Variants in RGPD6 observed in about 807,000 individuals in gnomAD.
The protein encoded by RGPD6 is RANBP2 like and GRIP domain containing 6, also known as RANBP2-like and GRIP domain-containing protein 5/6.
chr2:110,600,569 A>G, the RGPD6 span, among the ~76,000 whole-genome samples: 2 of 12,202 alleles, frequency 1.6e-4, no homozygotes, highest in East Asian at 1.9e-3. Flanking sequence ...CTATAATAAA[A>G]TAATTATACA....
At chr2:110,597,038 G>A in the RGPD6 span, among the ~76,000 whole-genome samples, 1 of 99,116 alleles carries the variant, frequency 1.0e-5, no homozygotes, top group African/African-American at 4.4e-5. Context: ...GAATGCAATG[G>A]CGCAATCTAG....
At chr2:110,605,660 C>G in the RGPD6 span, among the ~76,000 whole-genome samples, 1 of 151,480 alleles carries the variant, frequency 6.6e-6, no homozygotes, top group Non-Finnish European at 1.5e-5. Flanking sequence ...CTGCGCATGT[C>G]CCCTGGCAGT....
chr2:110,589,422 T>G, the RGPD6 span, among the ~76,000 whole-genome samples: 2 of 152,108 alleles, frequency 1.3e-5, no homozygotes, highest in East Asian at 3.8e-4. Flanking sequence ...TCCTAAGTAT[T>G]TATATACAAC....
intron 1 of RGPD6, 45 bp downstream of exon 1, chr2:110,576,908 C>A (rs754220988): frequency 2.7e-6 from 3 of 1,104,818 alleles, no homozygotes; most frequent in Admixed American, 3.2e-5. Flanking sequence ...CCCTCCCCCC[C>A]CGGCCGGGTC....
chr2:110,594,372 T>C, the RGPD6 span, among the ~76,000 whole-genome samples: 1 of 97,874 alleles, frequency 1.0e-5, no homozygotes, highest in African/African-American at 4.9e-5. Context: ...AAACCAAAGA[T>C]GTCTACTCAC....
chr2:110,610,305 G>A, the RGPD6 span, among the ~76,000 whole-genome samples: 1 of 136,312 alleles, frequency 7.3e-6, no homozygotes, highest in African/African-American at 2.7e-5. Flanking sequence ...CCAACTCCAG[G>A]GGGTCGGTGG....
At chr2:110,593,061 A>T in the RGPD6 span, among the ~76,000 whole-genome samples, 3 of 148,226 alleles carry the variant, frequency 2.0e-5, no homozygotes, top group Admixed American at 2.0e-4. Flanking sequence ...AAAAGCTAAG[A>T]TTTATACGGA....
At chr2:110,592,847 C>T in the RGPD6 span, among the ~76,000 whole-genome samples, 1 of 142,992 alleles carries the variant, frequency 7.0e-6, no homozygotes, top group East Asian at 2.0e-4. Flanking sequence ...GTGAGAAGAA[C>T]GTATCATGGA....
At chr2:110,576,893 C>CGCCG (rs1201483108) in intron 1 of RGPD6, 60 bp downstream of exon 1, 1 of 675,566 alleles carries the variant, frequency 1.5e-6, no homozygotes, top group African/African-American at 3.5e-5. Context: ...CCGCCGCCGC[C>CGCCG]CCCCCCCTCC....
chr2:110,597,208 T>C, the RGPD6 span, among the ~76,000 whole-genome samples: 1 of 24,186 alleles, frequency 4.1e-5, no homozygotes, highest in South Asian at 1.1e-3. Flanking sequence ...GCCAGGCTGG[T>C]CTGGAACTCC....
At chr2:110,604,526 C>T in the RGPD6 span, among the ~76,000 whole-genome samples, 2 of 147,106 alleles carry the variant, frequency 1.4e-5, 1 homozygote, top group Non-Finnish European at 3.0e-5. Flanking sequence ...AATTAAATTC[C>T]AAGACAAAAG....
the RGPD6 span, among the ~76,000 whole-genome samples, chr2:110,606,750 C>T: frequency 2.1e-4 from 31 of 150,480 alleles, no homozygotes; most frequent in African/African-American, 7.7e-4. Context: ...AATACCCCCA[C>T]CCACACCATC....
the RGPD6 span, among the ~76,000 whole-genome samples, chr2:110,605,634 G>A: frequency 1.3e-5 from 2 of 151,530 alleles, no homozygotes; most frequent in Non-Finnish European, 2.9e-5. Context: ...AGGCCTGGAG[G>A]AAGCCGCCCA....
the RGPD6 span, among the ~76,000 whole-genome samples, chr2:110,593,247 T>G: frequency 6.7e-6 from 1 of 148,254 alleles, no homozygotes; most frequent in South Asian, 2.1e-4. Context: ...ACAGTGGAGC[T>G]GAAGCTCAAC....
At chr2:110,604,800 A>C in the RGPD6 span, among the ~76,000 whole-genome samples, 2 of 148,302 alleles carry the variant, frequency 1.3e-5, no homozygotes, top group Non-Finnish European at 3.0e-5. Flanking sequence ...ATCTGTATTA[A>C]GCCAAAGGTC....
At chr2:110,610,907 C>A in the RGPD6 span, 46 of 820,116 alleles carry the variant, frequency 5.6e-5, no homozygotes, top group Non-Finnish European at 6.0e-5. Flanking sequence ...CGCCCGCCCC[C>A]AGGTCGGGGC....
the RGPD6 span, chr2:110,611,002 A>G: frequency 1.0e-6 from 1 of 958,440 alleles, no homozygotes; most frequent in African/African-American, 2.1e-5. Flanking sequence ...GCTTGCGCGC[A>G]GGCACACTCA....
chr2:110,600,896 G>A, the RGPD6 span, among the ~76,000 whole-genome samples: 8 of 138,826 alleles, frequency 5.8e-5, no homozygotes, highest in Non-Finnish European at 9.6e-5. Flanking sequence ...AACAGGCCCC[G>A]GACCAATATT....
At chr2:110,609,811 C>A in the RGPD6 span, among the ~76,000 whole-genome samples, 1 of 105,750 alleles carries the variant, frequency 9.5e-6, no homozygotes, top group African/African-American at 3.7e-5. Flanking sequence ...TGGTTGGAAA[C>A]ATTTAAGAGA....
Sources: gnomAD v4.1 joint callset for allele counts (sites outside exome capture counted in the v4.1 genomes callset) on GRCh38, gnomAD v4.1.1 for gene constraint, MANE v1.5 for transcripts, NCBI Gene and HGNC (gene_info 2026-07-23, HGNC 2026-07-21) for gene names.